The following ATXN3 variants were observed in gnomAD, a reference collection of about 807,000 sequenced individuals.
The protein encoded by ATXN3 is ataxin-3.
ATXN3 carries 28 observed loss-of-function variants against 58.2 expected under a neutral mutation model. The observed-to-expected ratio is 0.48, with a 90% CI of 0.36 to 0.66. The LOEUF (loss-of-function observed/expected upper bound fraction) is 0.66. ATXN3 is among the 30% of genes least tolerant of loss of function. The probability of loss-of-function intolerance (pLI) is 0.00; values close to 1 mark genes in which losing one functional copy is unlikely to be tolerated. For synonymous variants in ATXN3, 113 were observed against 138.5 expected, an observed-to-expected ratio of 0.82 and a Z score of 1.29; for missense variants, 321 against 422.1, an observed-to-expected ratio of 0.76 and a Z score of 2.10.
chr14:92,082,243 GAAT>G (rs761471269), intron 8 of ATXN3, 54 bp downstream of exon 8: 4 of 1,530,174 alleles, frequency 2.6e-6, no homozygotes, highest in Non-Finnish European at 3.5e-6. Flanking sequence ...TGAAATCTAA[GAAT>G]AATTGGAATC....
chr14:92,054,806 A>G (rs1265497484), downstream of ATXN3, among the ~76,000 whole-genome samples: 2 of 152,142 alleles, frequency 1.3e-5, no homozygotes, highest in African/African-American at 4.8e-5. Flanking sequence ...CCGGACTGGC[A>G]GTCTCCACAT....
intron 3 of ATXN3, among the ~76,000 whole-genome samples, chr14:92,094,108 A>G (rs1045026988): frequency 4.6e-5 from 7 of 151,806 alleles, no homozygotes; most frequent in African/African-American, 1.5e-4. Flanking sequence ...ACACCCAGCT[A>G]TTTTTGTATT....
chr14:92,050,298 C>T (rs2057443668), upstream of ATXN3: 2 of 152,096 alleles, frequency 1.3e-5, no homozygotes, highest in African/African-American at 4.8e-5. Context: ...TTTGCTTTTG[C>T]ATATGTTTGA....
chr14:92,078,825 G>C (rs970023888), intron 9 of ATXN3, among the ~76,000 whole-genome samples: 2 of 152,146 alleles, frequency 1.3e-5, no homozygotes, highest in African/African-American at 4.8e-5. Context: ...TGATGATTGA[G>C]ATTTGTTACA....
intron 4 of ATXN3, 133 bp downstream of exon 4, chr14:92,093,613 G>A: frequency 1.3e-6 from 1 of 747,314 alleles, no homozygotes; most frequent in Non-Finnish European, 2.2e-6. Flanking sequence ...GGTGAAATAG[G>A]AAAGTCTGAG....
rs1338778233 is a variant in ATXN3, at chr14:92,059,867, C to T, written c.*4453G>A. The T allele has an allele frequency of 1.3e-5, 2 of 151,554 alleles. No individual in the cohort carries two copies. The highest frequency in any genetic ancestry group is 2.4e-5 in the African/African-American group (1 of 41,278). 9.4% of individuals were successfully genotyped at this position (151,554 alleles called of 1,614,324 possible). ...AAAGAAAGAAAAAGAAAATAGCGGC[C>T]CAACGCCTCTTCGTTTCCGGATTAA... On this transcript the variant is annotated 3_prime_UTR_variant, in exon 11 of 11. Transcript: ENST00000644486.
chr14:92,047,705 G>A (rs550061362), intron 2 of ATXN3, among the ~76,000 whole-genome samples: 109 of 152,256 alleles, frequency 7.2e-4, no homozygotes, highest in Middle Eastern at 3.4e-3. Context: ...CTGGGCAGGT[G>A]GGGATAACTA....
At chr14:92,076,781 G>A (rs10129742) in intron 9 of ATXN3, among the ~76,000 whole-genome samples, 68,129 of 151,038 alleles carry the variant, frequency 0.45, 16,555 homozygotes, top group African/African-American at 0.64. Context: ...GTCTACAAAA[G>A]ACACAAAAAT....
rs2057583577 is a variant in ATXN3, at chr14:92,059,299, TTTA to T, written c.*5018_*5020del. On this transcript the variant is annotated 3_prime_UTR_variant, in exon 11 of 11. Coordinates refer to ENST00000644486, the MANE Select transcript of ATXN3 (RefSeq NM_004993.6). ...GAAAGCAAATTAGAACAAAAATATT[TTTA>T]TTATGTTTAAGACTAAAAAAATACA... The T allele has an allele frequency of 6.6e-6, 1 of 152,224 alleles. No homozygotes were observed. The highest frequency in any genetic ancestry group is 2.4e-5 in the African/African-American group (1 of 41,462). The allele number at this position is 152,224 out of a possible 1,614,324, so 9.4% of individuals were successfully genotyped here. A position where few individuals can be genotyped will look rare whatever the true frequency, so the allele number is the denominator to read the frequency against.
intron 10 of ATXN3, among the ~76,000 whole-genome samples, chr14:92,068,676 C>T (rs539996979): frequency 2.0e-5 from 3 of 152,142 alleles, no homozygotes; most frequent in South Asian, 2.1e-4. Flanking sequence ...CTGCAACCTT[C>T]GCTTCCCGGG....
At position 92,070,957 on chromosome 14, in the gene ATXN3, T is replaced by C; in HGVS notation, c.969A>G (p.Ser323=). 2.5e-6 allele frequency: 4 copies of C among 1,587,402 alleles called. No individual in the cohort carries two copies. Among genetic ancestry groups the C allele is most frequent in the Non-Finnish European group, 3.4e-6 (4 of 1,173,038 alleles). The part of the protein sequence containing the change: ...SHPCERPATS[S]GALGSDLGDA... ...TACCTAGATCACTCCCAAGTGCTCCTGAACTGGTGGCTGGCCTTTCACATG... is the reference window on the plus strand; with the variant it reads ...TACCTAGATCACTCCCAAGTGCTCCCGAACTGGTGGCTGGCCTTTCACATG... Residue 323 remains serine (S), a synonymous_variant, in exon 10 of 11, where the codon TCA becomes TCG. Transcript: ENST00000644486.
intron 5 of ATXN3, among the ~76,000 whole-genome samples, chr14:92,091,383 G>A (rs970606244): frequency 2.6e-5 from 4 of 152,024 alleles, no homozygotes; most frequent in South Asian, 2.1e-4. Context: ...CCCAGGTGGC[G>A]GAGGTTGCAG....
At chr14:92,096,353 G>GAGCCACCACACCC in intron 2 of ATXN3, 1 of 1,400,822 alleles carries the variant, frequency 7.1e-7, no homozygotes, top group Non-Finnish European at 9.4e-7. Context: ...AGCCGGGTGT[G>GAGCCACCACACCC]GTGGCTCACA....
chr14:92,094,175 T>G (rs1444252315), intron 3 of ATXN3, among the ~76,000 whole-genome samples: 1 of 152,024 alleles, frequency 6.6e-6, no homozygotes, highest in East Asian at 1.9e-4. Flanking sequence ...CTCCTGACCT[T>G]GTGATCCACC....
In ATXN3 at chr14:92,070,944, T is replaced by G; in HGVS notation, c.982A>C (p.Ser328Arg). ...GGTGAGCAGGCCTTACCTAGATCAC[T>G]CCCAAGTGCTCCTGAACTGGTGGCT... Reference protein sequence around the residue: ...RPATSSGALGSDLGDAMSEED... With the variant: ...RPATSSGALGRDLGDAMSEED... The change falls in exon 10 of 11, where the codon AGT becomes CGT. Residue 328 changes from serine (S) to arginine (R), a missense_variant. Ser to Arg is a moderately radical substitution (Grantham distance 110, BLOSUM62 -1). This residue lies in a region of ATXN3 where 200 missense variants were observed against 223.2 expected (regional missense o/e 0.90). Coordinates refer to ENST00000644486, the MANE Select transcript of ATXN3 (RefSeq NM_004993.6). 1 of 1,584,486 alleles carries G rather than the reference T, an allele frequency of 6.3e-7. No homozygotes were observed. Among genetic ancestry groups the G allele is most frequent in the Admixed American group, 1.7e-5 (1 of 57,832 alleles).
chr14:92,065,647 C>G (rs541222335), intron 10 of ATXN3, among the ~76,000 whole-genome samples: 178 of 152,146 alleles, frequency 1.2e-3, no homozygotes, highest in African/African-American at 4.2e-3. Flanking sequence ...TTTGGGAAGC[C>G]GAGGTGGGCG....
chr14:92,090,431 C>T (rs779681037), intron 5 of ATXN3: 3 of 152,146 alleles, frequency 2.0e-5, no homozygotes, highest in Non-Finnish European at 1.5e-5. Flanking sequence ...TTTATCACTA[C>T]CACATAGTAA....
In ATXN3 at chr14:92,087,477, GGATA is replaced by G. The variant is rs551277425; in HGVS notation, c.475+1249_475+1252del. 3.2e-4 allele frequency among the ~76,000 whole-genome samples: 48 copies of G among 152,158 alleles called. No homozygotes were observed. The South Asian group carries it at 3.5e-3, about 11-fold the overall frequency. The stretch of plus-strand genomic sequence containing the variant: ...TTGATAGATGGATGGGTGAATGGAT[GGATA>G]GATCATTTAAGAAAAAAGTAAAACC... On this transcript the variant is annotated intron_variant, in intron 6 of 10. Transcript: ENST00000644486.
intron 1 of ATXN3, among the ~76,000 whole-genome samples, chr14:92,105,340 TA>T (rs1242481006): frequency 6.6e-6 from 1 of 151,756 alleles, no homozygotes; most frequent in Admixed American, 6.6e-5. Flanking sequence ...CGCTTGTGCC[TA>T]GGAGATCAAG....
Sources: gnomAD v4.1 joint callset for allele counts (sites outside exome capture counted in the v4.1 genomes callset) on GRCh38, gnomAD v4.1.1 for gene constraint, gnomAD v4.1.1 regional missense constraint, MANE v1.5 for transcripts, NCBI Gene and HGNC (gene_info 2026-07-23, HGNC 2026-07-21) for gene names.